Variants in TADA2A observed in about 807,000 individuals in gnomAD.
The protein encoded by TADA2A is transcriptional adapter 2-alpha.
A neutral mutation model predicts 67.4 loss-of-function variants in TADA2A; 38 were observed. The observed-to-expected ratio is 0.56, with a 90% CI of 0.44 to 0.74. The LOEUF is 0.74. Ranked by LOEUF, TADA2A falls within the 30% of genes least tolerant of loss-of-function variation. The probability of loss-of-function intolerance (pLI) is 0.00; values close to 1 mark genes in which losing one functional copy is unlikely to be tolerated. For missense variants in TADA2A, 454 were observed against 547.0 expected (o/e 0.83, Z 1.70); for synonymous variants, 192 against 181.6 (o/e 1.06, Z -0.46).
intron 8 of TADA2A, among the ~76,000 whole-genome samples, chr17:37,445,930 A>G (rs2053065124): frequency 6.6e-6 from 1 of 152,096 alleles, no homozygotes; most frequent in South Asian, 2.1e-4. Context: ...TTCATATTGC[A>G]TGGACTGGTA....
chr17:37,459,455 G>A (rs1384141258), intron 9 of TADA2A, among the ~76,000 whole-genome samples: 1 of 148,932 alleles, frequency 6.7e-6, no homozygotes, highest in Non-Finnish European at 1.5e-5. Context: ...GCTAATTTTT[G>A]CATTTTTAAT....
intron 4 of TADA2A, among the ~76,000 whole-genome samples, chr17:37,429,208 G>A (rs1195460790): frequency 6.6e-6 from 1 of 151,992 alleles, no homozygotes; most frequent in African/African-American, 2.4e-5. Context: ...CTAAAGTGCT[G>A]GGATTACAGG....
intron 6 of TADA2A, among the ~76,000 whole-genome samples, chr17:37,441,335 C>A (rs2052910826): frequency 6.6e-6 from 1 of 152,040 alleles, no homozygotes; most frequent in African/African-American, 2.4e-5. Flanking sequence ...CTTTGGAGAG[C>A]TTATGATTAT....
chr17:37,439,930 A>AT (rs1568155028), intron 5 of TADA2A, among the ~76,000 whole-genome samples: 2 of 111,476 alleles, frequency 1.8e-5, no homozygotes, highest in African/African-American at 6.5e-5. Flanking sequence ...TTATTTATTT[A>AT]TTTATTTATT....
At chr17:37,441,532 A>G (rs2058910720) in intron 6 of TADA2A, among the ~76,000 whole-genome samples, 1 of 152,232 alleles carries the variant, frequency 6.6e-6, no homozygotes, top group African/African-American at 2.4e-5. Context: ...ATGATGAATT[A>G]TAAATGACCA....
intron 5 of TADA2A, among the ~76,000 whole-genome samples, chr17:37,438,309 T>C (rs1460780467): frequency 1.3e-5 from 2 of 152,236 alleles, no homozygotes; most frequent in African/African-American, 2.4e-5. Context: ...ACCGGCGGAA[T>C]TGAATAGCAC....
intron 15 of TADA2A, 108 bp from the exon 16 acceptor site, chr17:37,476,689 A>T: frequency 9.0e-7 from 1 of 1,109,734 alleles, no homozygotes; most frequent in Non-Finnish European, 1.3e-6. Context: ...CAGCTCCTAT[A>T]AATAGTTGGA....
chr17:37,464,874 C>T (rs914128491), intron 10 of TADA2A, among the ~76,000 whole-genome samples: 7 of 145,174 alleles, frequency 4.8e-5, no homozygotes, highest in African/African-American at 1.6e-4. Flanking sequence ...TGGCTGGGCG[C>T]GGTGGCTCAT....
Position 37,420,394 on chromosome 17 carries a change from C to CTT in TADA2A, c.26-3101_26-3100dup, listed in dbSNP as rs202103528. 9.1e-5 allele frequency among the ~76,000 whole-genome samples: 12 copies of CTT among 131,596 alleles called. 1 individual carries two copies. Among genetic ancestry groups the CTT allele is most frequent in the African/African-American group, 1.1e-4 (4 of 37,044 alleles). The allele number at this position is 131,596 out of a possible 152,430, so 86.3% of individuals were successfully genotyped here. Reference sequence around the variant, plus strand: ...TTTCTTTCATCATTTTCTTCTGTGTCTTTTTTTTTTTTTTTGAGATGGAGT... The same window carrying CTT: ...TTTCTTTCATCATTTTCTTCTGTGTCTTTTTTTTTTTTTTTTTGAGATGGAGT... On this transcript the variant is annotated intron_variant, in intron 2 of 15. Transcript: ENST00000615182.
intron 12 of TADA2A, among the ~76,000 whole-genome samples, chr17:37,469,705 G>A (rs1196990964): frequency 6.6e-6 from 1 of 152,166 alleles, no homozygotes; most frequent in Non-Finnish European, 1.5e-5. Context: ...CCCAGGACCC[G>A]CCGGTATCTG....
intron 4 of TADA2A, among the ~76,000 whole-genome samples, chr17:37,430,354 A>G (rs2052534449): frequency 6.6e-6 from 1 of 152,178 alleles, no homozygotes; most frequent in East Asian, 1.9e-4. Context: ...TTCTATAGGC[A>G]TGATGACCAA....
At position 37,442,497 on chromosome 17, in the gene TADA2A, C is replaced by T. The variant is rs545204318; in HGVS notation, c.443-67C>T. On this transcript the variant is annotated intron_variant, in intron 6 of 15. Transcript: ENST00000615182. ...ATTTTAAATTTTATTTATTCTTGGACTATTATGTCATTTTTTTCATGCCAA... is the reference window on the plus strand; with the variant it reads ...ATTTTAAATTTTATTTATTCTTGGATTATTATGTCATTTTTTTCATGCCAA... The T allele has an allele frequency of 6.8e-6, 8 of 1,170,952 alleles. No individual in the cohort carries two copies. In the South Asian group the frequency reaches 9.7e-5, roughly 14 times the overall value. The allele number at this position is 1,170,952 out of a possible 1,614,324, so 72.5% of individuals were successfully genotyped here. A position where few individuals can be genotyped will look rare whatever the true frequency, so the allele number is the denominator to read the frequency against.
chr17:37,426,665 GAAAAAA>G (rs71135723), intron 3 of TADA2A: 5 of 121,538 alleles, frequency 4.1e-5, no homozygotes, highest in Non-Finnish European at 6.6e-5. Flanking sequence ...CTCCGTCTCA[GAAAAAA>G]AAAAAAAAAA....
At chr17:37,437,640 G>A (rs756943560) in intron 4 of TADA2A, 98 bp from the exon 5 acceptor site, 301 of 1,035,266 alleles carry the variant, frequency 2.9e-4, no homozygotes, top group Non-Finnish European at 1.0e-4. Flanking sequence ...GCCCGCCTCC[G>A]CCTTCCAAAG....
Position 37,429,382 on chromosome 17 carries a change from T to C in TADA2A, c.192+2373T>C, listed in dbSNP as rs2052506038. On this transcript the variant is annotated intron_variant, in intron 4 of 15. Transcript: ENST00000615182. ...TTCCCAGCAGTACCTCGCTAGTGTT[T>C]GATGGACTAGTCAGAAGACAGGAAT... Among the ~76,000 whole-genome samples the C allele has an allele frequency of 1.3e-5, 2 of 152,104 alleles. 1 individual carries two copies. Among genetic ancestry groups the C allele is most frequent in the South Asian group, 4.1e-4 (2 of 4,828 alleles).
At chr17:37,467,622 C>T (rs1013336468) in intron 12 of TADA2A, 97 bp downstream of exon 12, 7 of 1,093,168 alleles carry the variant, frequency 6.4e-6, no homozygotes, top group Middle Eastern at 2.0e-4. Context: ...TTTTAAAAAA[C>T]AAGCTTTCCT....
chr17:37,434,237 A>G (rs776090656), intron 4 of TADA2A, among the ~76,000 whole-genome samples: 9 of 152,172 alleles, frequency 5.9e-5, no homozygotes, highest in Non-Finnish European at 1.2e-4. Context: ...TTTGGATTAT[A>G]GATGTTTAGG....
intron 2 of TADA2A, among the ~76,000 whole-genome samples, chr17:37,413,649 C>T (rs571049139): frequency 2.6e-5 from 4 of 152,038 alleles, no homozygotes; most frequent in South Asian, 2.1e-4. Flanking sequence ...TAGGCTCAAG[C>T]GATGCCCCCA....
intron 2 of TADA2A, among the ~76,000 whole-genome samples, chr17:37,418,889 A>G (rs2052140223): frequency 1.4e-5 from 2 of 145,646 alleles, no homozygotes; most frequent in African/African-American, 2.5e-5. Context: ...GTGCCTGGCT[A>G]TTTTTTCTTT....
Sources: gnomAD v4.1 joint callset for allele counts (sites outside exome capture counted in the v4.1 genomes callset) on GRCh38, gnomAD v4.1.1 for gene constraint, MANE v1.5 for transcripts, NCBI Gene and HGNC (gene_info 2026-07-23, HGNC 2026-07-21) for gene names.